CNTN1: variants seen among roughly 807,000 people sequenced by gnomAD.
CNTN1 encodes the protein contactin-1.
CNTN1 carries 38 observed loss-of-function variants against 126.4 expected under a neutral mutation model. The observed-to-expected ratio is 0.30, with a 90% CI of 0.23 to 0.39. CNTN1 has a LOEUF of 0.39. Among genes scored for constraint, CNTN1 ranks in the 10% least tolerant of loss-of-function variants. CNTN1 has a pLI of 1.00. For synonymous variants in CNTN1, 413 were observed against 422.6 expected (o/e 0.98, Z 0.28); for missense variants, 1,009 against 1,248.4 (o/e 0.81, Z 2.89).
intron 1 of CNTN1, among the ~76,000 whole-genome samples, chr12:40,834,588 A>C (rs1941977390): frequency 6.6e-6 from 1 of 152,194 alleles, no homozygotes; most frequent in African/African-American, 2.4e-5. Flanking sequence ...CAAGCAGACG[A>C]ATCTATTGAA....
At chr12:40,721,119 C>T (rs1217609240) in intron 1 of CNTN1, among the ~76,000 whole-genome samples, 1 of 152,026 alleles carries the variant, frequency 6.6e-6, no homozygotes, top group African/African-American at 2.4e-5. Context: ...TCTCTCTCTC[C>T]TCTTTCGGAA....
chr12:40,869,708 G>A (rs982356806), intron 1 of CNTN1, among the ~76,000 whole-genome samples: 1 of 151,912 alleles, frequency 6.6e-6, no homozygotes, highest in Non-Finnish European at 1.5e-5. Flanking sequence ...AATCTATAGT[G>A]GTTTTTCATA....
rs575538144 is a variant in CNTN1 at position 40,954,665 on chromosome 12, C to T, written c.1684-4449C>T. 5.9e-5 allele frequency among the ~76,000 whole-genome samples: 9 copies of T among 152,174 alleles called. No homozygotes were observed. The East Asian group carries it at 7.7e-4, about 13-fold the overall frequency. ...AAAATCACCCTCAGTTTCCATGCTT[C>T]GCTAGAAGGTATTCACAGAATTCTC... On this transcript the variant is annotated intron_variant, in intron 14 of 23. Coordinates refer to ENST00000551295, the MANE Select transcript of CNTN1 (RefSeq NM_001843.4).
At chr12:40,927,239 G>A (rs1467869521) in intron 6 of CNTN1, among the ~76,000 whole-genome samples, 5 of 152,024 alleles carry the variant, frequency 3.3e-5, no homozygotes, top group Non-Finnish European at 5.9e-5. Context: ...TCTATAATCC[G>A]AGGAAAACAG....
chr12:40,914,470 AGTAATTTC>A (rs1945160192), intron 3 of CNTN1, among the ~76,000 whole-genome samples: 1 of 152,200 alleles, frequency 6.6e-6, no homozygotes, highest in African/African-American at 2.4e-5. Context: ...AAATATATAC[AGTAATTTC>A]TAAACCGTCA....
intron 1 of CNTN1, among the ~76,000 whole-genome samples, chr12:40,738,796 A>G (rs1937808780): frequency 6.6e-6 from 1 of 152,054 alleles, no homozygotes; most frequent in Non-Finnish European, 1.5e-5. Flanking sequence ...TTTTGTGTCT[A>G]CCAAATTTGC....
chr12:40,694,148 G>T (rs1235108994), intron 1 of CNTN1, among the ~76,000 whole-genome samples: 1 of 152,120 alleles, frequency 6.6e-6, no homozygotes, highest in Non-Finnish European at 1.5e-5. Context: ...GTAACTTATG[G>T]CTAACAGCAT....
intron 1 of CNTN1, among the ~76,000 whole-genome samples, chr12:40,766,445 A>T (rs1442354450): frequency 1.3e-5 from 2 of 152,154 alleles, no homozygotes; most frequent in Non-Finnish European, 2.9e-5. Flanking sequence ...GAGGCAGAGC[A>T]TTTAATGAAA....
intron 23 of CNTN1, among the ~76,000 whole-genome samples, chr12:41,054,788 T>C (rs1949765216): frequency 6.6e-6 from 1 of 152,136 alleles, no homozygotes; most frequent in South Asian, 2.1e-4. Context: ...TCATGCAATA[T>C]ATTTTTGCAA....
intron 1 of CNTN1, among the ~76,000 whole-genome samples, chr12:40,823,991 A>G (rs113256861): frequency 0.022 from 3,416 of 152,140 alleles, 126 homozygotes; most frequent in African/African-American, 0.078. Flanking sequence ...CTTCTGGTGG[A>G]TTAGAAATGA....
intron 15 of CNTN1, among the ~76,000 whole-genome samples, chr12:40,976,938 C>T (rs972888305): frequency 6.6e-6 from 1 of 152,160 alleles, no homozygotes; most frequent in Non-Finnish European, 1.5e-5. Flanking sequence ...TCTATGTTGT[C>T]CTATAAACCA....
Position 40,936,872 on chromosome 12 carries a change from C to G in CNTN1, c.1077C>G (p.Ile359Met), listed in dbSNP as rs1946100057. The change falls in exon 10 of 24, where the codon ATC (isoleucine) becomes ATG (methionine). Residue 359 changes from isoleucine (I) to methionine (M), a missense_variant. Transcript: ENST00000551295. Reference sequence around the variant, plus strand: ...CTTGTGTGGCCACAGGAAAGCCCATCCCTACAATCCGATGGTTGAAAAATG... The same window carrying G: ...CTTGTGTGGCCACAGGAAAGCCCATGCCTACAATCCGATGGTTGAAAAATG... ...YWPCVATGKPIPTIRWLKNGY... is the reference protein window; with the variant it reads ...YWPCVATGKPMPTIRWLKNGY... 1 of 1,613,316 alleles carries G rather than the reference C, an allele frequency of 6.2e-7. No individual in the cohort carries two copies. The highest frequency in any genetic ancestry group is 8.5e-7 in the Non-Finnish European group (1 of 1,179,452).
In CNTN1 at chr12:41,070,025, T is replaced by C. The variant is rs766058382; in HGVS notation, c.3047T>C (p.Leu1016Ser). Residue 1016 changes from leucine (L) to serine (S), a missense_variant, in exon 24 of 24, where the codon TTG becomes TCG. Transcript: ENST00000551295. ...CCTGCCTTTGGCATCCTTGTCTACTTGGAATTCTGAATGTGTTGTGACAGC... is the reference window on the plus strand; with the variant it reads ...CCTGCCTTTGGCATCCTTGTCTACTCGGAATTCTGAATGTGTTGTGACAGC... ...LLPAFGILVY[L>S]EF 4 of 1,613,976 alleles carry C rather than the reference T, an allele frequency of 2.5e-6. No individual in the cohort carries two copies. The highest frequency in any genetic ancestry group is 1.7e-5 in the Admixed American group (1 of 60,020).
chr12:40,856,190 T>C (rs1942900289), intron 1 of CNTN1, among the ~76,000 whole-genome samples: 1 of 152,086 alleles, frequency 6.6e-6, no homozygotes. Context: ...TTTTTCCAAG[T>C]ACAACTTGGA....
chr12:40,871,558 A>C (rs973166309), intron 1 of CNTN1, among the ~76,000 whole-genome samples: 2 of 152,160 alleles, frequency 1.3e-5, no homozygotes, highest in East Asian at 3.8e-4. Context: ...GAAGAAGGAC[A>C]ATCAGTAATC....
At chr12:41,040,851 C>A (rs1171783741) in intron 23 of CNTN1, among the ~76,000 whole-genome samples, 1 of 146,970 alleles carries the variant, frequency 6.8e-6, no homozygotes, top group South Asian at 2.2e-4. Context: ...ACAATCATGT[C>A]ATCTGCAAAC....
At chr12:40,975,009 A>T (rs1947631442) in intron 15 of CNTN1, among the ~76,000 whole-genome samples, 1 of 151,800 alleles carries the variant, frequency 6.6e-6, no homozygotes, top group African/African-American at 2.4e-5. Flanking sequence ...TTTTGCAGAC[A>T]GGCACATTTA....
rs565336310 is a variant in CNTN1 at position 41,064,989 on chromosome 12, A to G, written c.2981-4970A>G. Among the ~76,000 whole-genome samples, 3 of 152,328 alleles carry G rather than the reference A, an allele frequency of 2.0e-5. No homozygotes were observed. The East Asian group carries it at 5.8e-4, about 29-fold the overall frequency. On this transcript the variant is annotated intron_variant, in intron 23 of 23. Coordinates refer to ENST00000551295, the MANE Select transcript of CNTN1 (RefSeq NM_001843.4). ...TTCCAGAACGTCTGACTCAGCTGCC[A>G]TGTGATACTGTTCCCAATATATCCT...
chr12:40,906,743 A>C (rs1302772196), intron 1 of CNTN1, among the ~76,000 whole-genome samples: 3 of 134,630 alleles, frequency 2.2e-5, no homozygotes, highest in Non-Finnish European at 3.1e-5. Context: ...TGGTGTGAAG[A>C]TCTCGGCTCA....
Sources: allele counts gnomAD v4.1 joint callset (sites outside exome capture counted in the v4.1 genomes callset), GRCh38; gene constraint gnomAD v4.1.1; transcripts MANE v1.5; gene names NCBI Gene and HGNC (gene_info 2026-07-23, HGNC 2026-07-21).